The following TRPC6 variants were observed in gnomAD, a reference collection of about 807,000 sequenced individuals.
TRPC6 encodes transient receptor potential cation channel subfamily C member 6, also known as short transient receptor potential channel 6.
TRPC6 carries 55 observed loss-of-function variants against 90.7 expected under a neutral mutation model. The observed-to-expected ratio is 0.61, with a 90% confidence interval of 0.49 to 0.76. The LOEUF is 0.76. Ranked by LOEUF, TRPC6 falls within the 30% of genes least tolerant of loss-of-function variation. The probability of loss-of-function intolerance (pLI) is 0.00; values close to 1 mark genes in which losing one functional copy is unlikely to be tolerated. For synonymous variants in TRPC6, 393 were observed against 393.0 expected (o/e 1.00, Z 0.00); for missense variants, 989 against 1,122.7 (o/e 0.88, Z 1.70).
chr11:101,544,981 C>T (rs1172291963), intron 1 of TRPC6, among the ~76,000 whole-genome samples: 1 of 152,112 alleles, frequency 6.6e-6, no homozygotes, highest in East Asian at 1.9e-4. Context: ...AGAAACCCTG[C>T]CCTGTGAAAT....
At chr11:101,553,975 C>T (rs1861506346) in intron 1 of TRPC6, among the ~76,000 whole-genome samples, 1 of 152,054 alleles carries the variant, frequency 6.6e-6, no homozygotes, top group African/African-American at 2.4e-5. Flanking sequence ...TATGTGAACA[C>T]ATTTCACACA....
chr11:101,579,465 T>C (rs1862144803), intron 1 of TRPC6, among the ~76,000 whole-genome samples: 1 of 152,190 alleles, frequency 6.6e-6, no homozygotes, highest in South Asian at 2.1e-4. Flanking sequence ...TCACTCTTGG[T>C]CGATTGTTTC....
intron 1 of TRPC6, among the ~76,000 whole-genome samples, chr11:101,554,080 G>C (rs962977362): frequency 2.6e-5 from 4 of 152,124 alleles, no homozygotes; most frequent in African/African-American, 9.7e-5. Flanking sequence ...GAATTCACTG[G>C]CCGGTGACTT....
chr11:101,470,412 A>G (rs1163002170), intron 9 of TRPC6, among the ~76,000 whole-genome samples: 1 of 152,080 alleles, frequency 6.6e-6, no homozygotes, highest in Non-Finnish European at 1.5e-5. Flanking sequence ...CCCTCATATG[A>G]CACTTTATCC....
At chr11:101,517,368 A>C (rs977964755) in intron 1 of TRPC6, among the ~76,000 whole-genome samples, 1 of 152,236 alleles carries the variant, frequency 6.6e-6, no homozygotes, top group Non-Finnish European at 1.5e-5. Flanking sequence ...TCTTATGCTA[A>C]GAATGCTTGT....
chr11:101,542,583 T>A (rs1861200018), intron 1 of TRPC6, among the ~76,000 whole-genome samples: 1 of 151,160 alleles, frequency 6.6e-6, no homozygotes, highest in Non-Finnish European at 1.5e-5. Context: ...AAACCATTTA[T>A]CATGAATCCT....
intron 1 of TRPC6, among the ~76,000 whole-genome samples, chr11:101,522,431 G>GA (rs1860683894): frequency 6.6e-6 from 1 of 152,146 alleles, no homozygotes; most frequent in Non-Finnish European, 1.5e-5. Context: ...CTGCAGAACT[G>GA]TGAGTCAATT....
intron 10 of TRPC6, among the ~76,000 whole-genome samples, chr11:101,465,987 C>A (rs1859135650): frequency 6.6e-6 from 1 of 152,162 alleles, no homozygotes; most frequent in Non-Finnish European, 1.5e-5. Context: ...GATGGGGTCT[C>A]TTGAGTGGAC....
Position 101,452,232 on chromosome 11 carries a change from A to T in TRPC6, c.*723T>A, listed in dbSNP as rs1473455900. On this transcript the variant is annotated 3_prime_UTR_variant, in exon 13 of 13. Coordinates refer to ENST00000344327, the MANE Select transcript of TRPC6 (RefSeq NM_004621.6). ...ACATAAAGAGCTTTTGTGTGTCCAC[A>T]TTAGCCACAAACTAGGGCAAGTACT... The T allele has an allele frequency of 2.5e-4, 2 of 8,150 alleles. No individual in the cohort carries two copies. Among genetic ancestry groups the T allele is most frequent in the African/African-American group, 8.3e-4 (2 of 2,412 alleles). The allele number at this position is 8,150 out of a possible 1,614,324, so 0.5% of individuals were successfully genotyped here.
At chr11:101,553,570 A>G (rs941908115) in intron 1 of TRPC6, among the ~76,000 whole-genome samples, 1 of 151,986 alleles carries the variant, frequency 6.6e-6, no homozygotes, top group Non-Finnish European at 1.5e-5. Flanking sequence ...TGGACATTAT[A>G]CTCTAGATTG....
chr11:101,469,918 T>TATA (rs1243558147), intron 9 of TRPC6, among the ~76,000 whole-genome samples: 3 of 152,194 alleles, frequency 2.0e-5, no homozygotes, highest in African/African-American at 7.2e-5. Flanking sequence ...AGGATGTAGA[T>TATA]ATAATTTTTT....
rs1859421088 is a variant in TRPC6 at position 101,476,511 on chromosome 11, C to G, written c.1534G>C (p.Glu512Gln). 6.2e-7 allele frequency: 1 copy of G among 1,613,958 alleles called. No homozygotes were observed. The change falls in exon 6 of 13, where the codon GAA (glutamate) becomes CAA (glutamine). Residue 512 changes from glutamate (E) to glutamine (Q), a missense_variant. By Grantham distance (29) the Glu-to-Gln change is conservative (BLOSUM62 2). This residue lies in a region of TRPC6 where 486 missense variants were observed against 591.9 expected (regional missense o/e 0.82). Transcript: ENST00000344327. Reference protein sequence around the residue: ...VIGMIWAECKEIWTQGPKEYL... With the variant: ...VIGMIWAECKQIWTQGPKEYL... ...TCCTTGGGGCCCTGAGTCCAGATTT[C>G]TTTACATTCAGCCCATATCATGCCT...
chr11:101,476,417 G>A lies in TRPC6; in HGVS notation c.1628C>T (p.Ala543Val), dbSNP rs777864888. Residue 543 changes from alanine to valine, a missense_variant, in exon 6 of 13, where the codon GCG (alanine) becomes GTG (valine). Coordinates refer to ENST00000344327, the MANE Select transcript of TRPC6 (RefSeq NM_004621.6). ...AGCATGCCAAAATGCCATGAATCTC[G>A]CAATGAATGATGCTGCGAAAATTGC... ...MLAIFAASFI[A>V]RFMAFWHASK... 7.4e-6 allele frequency: 12 copies of A among 1,614,004 alleles called. No homozygotes were observed. Among genetic ancestry groups the A allele is most frequent in the Non-Finnish European group, 9.3e-6 (11 of 1,179,968 alleles).
Position 101,558,467 on chromosome 11 carries a change from AC to A in TRPC6, c.170+24866del, listed in dbSNP as rs1861640071. 3.7e-5 allele frequency among the ~76,000 whole-genome samples: 2 copies of A among 53,642 alleles called. 1 individual carries two copies. The highest frequency in any genetic ancestry group is 1.2e-4 in the African/African-American group (2 of 16,482). 35.2% of individuals were successfully genotyped at this position (53,642 alleles called of 152,430 possible). A position where few individuals can be genotyped will look rare whatever the true frequency, so the allele number is the denominator to read the frequency against. On this transcript the variant is annotated intron_variant, in intron 1 of 12. Transcript: ENST00000344327. ...TATATACACACGCACACATACACAC[AC>A]ACACACACACACACACACACACACA...
chr11:101,522,059 G>T (rs1404375957), intron 1 of TRPC6, among the ~76,000 whole-genome samples: 2 of 152,170 alleles, frequency 1.3e-5, no homozygotes, highest in South Asian at 4.1e-4. Context: ...AGACTTGGGG[G>T]ACTATTAAGA....
At chr11:101,472,071 C>A in intron 8 of TRPC6, 66 bp downstream of exon 8, 1 of 1,482,792 alleles carries the variant, frequency 6.7e-7, no homozygotes, top group Non-Finnish European at 9.4e-7. Context: ...ATCCCCATTG[C>A]TGAGTTAGCC....
intron 1 of TRPC6, among the ~76,000 whole-genome samples, chr11:101,516,539 G>T (rs1276592593): frequency 6.6e-6 from 1 of 152,088 alleles, no homozygotes; most frequent in Non-Finnish European, 1.5e-5. Context: ...ATCTTTGCAT[G>T]CCCTAAACAA....
intron 10 of TRPC6, among the ~76,000 whole-genome samples, chr11:101,456,629 T>A (rs1277850946): frequency 6.6e-6 from 1 of 152,170 alleles, no homozygotes; most frequent in Non-Finnish European, 1.5e-5. Flanking sequence ...TGGCCTCTAA[T>A]CTACAGACTA....
intron 1 of TRPC6, among the ~76,000 whole-genome samples, chr11:101,552,894 G>T (rs903465683): frequency 6.6e-6 from 1 of 152,138 alleles, no homozygotes; most frequent in African/African-American, 2.4e-5. Context: ...ACTTTATCCA[G>T]TGTGGTTTTT....
Sources: allele counts gnomAD v4.1 joint callset (sites outside exome capture counted in the v4.1 genomes callset), GRCh38; gene constraint gnomAD v4.1.1; regional missense constraint gnomAD v4.1.1; transcripts MANE v1.5; gene names NCBI Gene and HGNC (gene_info 2026-07-23, HGNC 2026-07-21).